Variants in LTBP1 observed in about 807,000 individuals in gnomAD.
The protein encoded by LTBP1 is latent transforming growth factor beta binding protein 1, also known as latent-transforming growth factor beta-binding protein 1.
A neutral mutation model predicts 207.6 loss-of-function variants in LTBP1; 129 were observed. The ratio of observed to expected loss-of-function variants is 0.62; its 90% confidence interval spans 0.54 to 0.72. The LOEUF is 0.72. Among genes scored for constraint, LTBP1 ranks in the 30% least tolerant of loss-of-function variants. LTBP1 has a pLI of 0.00. For synonymous variants in LTBP1, 963 were observed against 833.7 expected (o/e 1.16, Z -2.67); for missense variants, 2,281 against 2,217.2 (o/e 1.03, Z -0.58).
chr2:33,308,120 GC>G (rs2094126984), intron 22 of LTBP1, among the ~76,000 whole-genome samples: 1 of 152,122 alleles, frequency 6.6e-6, no homozygotes, highest in African/African-American at 2.4e-5. Flanking sequence ...TTTCTTCGTT[GC>G]TAATAACTTA....
chr2:32,969,229 T>TTGTGTGTGTGTG (rs201873946), intron 2 of LTBP1, among the ~76,000 whole-genome samples: 8 of 131,712 alleles, frequency 6.1e-5, no homozygotes, highest in East Asian at 2.5e-4. Flanking sequence ...CCTGGCCAAT[T>TTGTGTGTGTGTG]TGTGTGTGTG....
chr2:33,372,473 T>G (rs2095081270), intron 31 of LTBP1, among the ~76,000 whole-genome samples: 1 of 152,220 alleles, frequency 6.6e-6, no homozygotes, highest in African/African-American at 2.4e-5. Flanking sequence ...AATGGACTAA[T>G]GAACTAAAGC....
chr2:33,143,990 G>A (rs1193006379), intron 5 of LTBP1, among the ~76,000 whole-genome samples: 2 of 152,056 alleles, frequency 1.3e-5, no homozygotes, highest in Non-Finnish European at 2.9e-5. Flanking sequence ...CTCACAAGAA[G>A]TGGCAGACTG....
At chr2:33,365,678 C>T (rs529207060) in intron 31 of LTBP1, among the ~76,000 whole-genome samples, 175 bp downstream of exon 31, 1 of 151,144 alleles carries the variant, frequency 6.6e-6, no homozygotes, top group South Asian at 2.1e-4. Flanking sequence ...ACATTTGGCT[C>T]CTGGTTTACC....
At chr2:33,054,961 CT>C (rs1392432100) in intron 3 of LTBP1, among the ~76,000 whole-genome samples, 1 of 152,148 alleles carries the variant, frequency 6.6e-6, no homozygotes, top group African/African-American at 2.4e-5. Flanking sequence ...ACTGGACAGT[CT>C]TTTTTAAGGT....
intron 25 of LTBP1, among the ~76,000 whole-genome samples, chr2:33,346,035 G>C (rs2094696903): frequency 6.6e-6 from 1 of 152,178 alleles, no homozygotes; most frequent in African/African-American, 2.4e-5. Flanking sequence ...TTGTCACTGA[G>C]ATTCCTTCAC....
chr2:33,268,634 G>A (rs541941264), intron 15 of LTBP1, among the ~76,000 whole-genome samples: 1 of 152,308 alleles, frequency 6.6e-6, no homozygotes, highest in East Asian at 1.9e-4. Context: ...TCTTGATTTA[G>A]CATAGTGTCT....
rs562254633 is a variant in LTBP1, at chr2:33,341,037, C to A, written c.3731-1801C>A. Among the ~76,000 whole-genome samples, 4 of 151,958 alleles carry A rather than the reference C, an allele frequency of 2.6e-5. No homozygotes were observed. The South Asian group carries it at 8.3e-4, about 31-fold the overall frequency. On this transcript the variant is annotated intron_variant, in intron 24 of 33. Transcript: ENST00000404816. ...ATTTCATTATTTGAACATAAAAGTA[C>A]AATCTTCACATATATTTGGATGCTG...
intron 3 of LTBP1, among the ~76,000 whole-genome samples, chr2:33,023,161 GTTGAAC>G (rs2075256401): frequency 2.0e-5 from 3 of 152,174 alleles, no homozygotes. Flanking sequence ...ACAATTCTGT[GTTGAAC>G]TATGCTTTGG....
chr2:33,013,974 AGTT>A (rs1347442001), intron 2 of LTBP1, among the ~76,000 whole-genome samples: 1 of 152,160 alleles, frequency 6.6e-6, no homozygotes, highest in Non-Finnish European at 1.5e-5. Flanking sequence ...TGGTTGGTGA[AGTT>A]GTTACTCGTA....
intron 4 of LTBP1, among the ~76,000 whole-genome samples, chr2:33,131,313 C>G (rs979384609): frequency 1.3e-5 from 2 of 152,202 alleles, no homozygotes. Flanking sequence ...TGAATTCCTA[C>G]TAAATTCTTG....
intron 3 of LTBP1, among the ~76,000 whole-genome samples, chr2:33,070,361 C>T (rs892748734): frequency 2.6e-5 from 4 of 152,212 alleles, no homozygotes; most frequent in Non-Finnish European, 5.9e-5. Context: ...ACTGGGGCGG[C>T]ATGCCCGTCT....
intron 24 of LTBP1, among the ~76,000 whole-genome samples, chr2:33,317,029 A>G (rs1356512377): frequency 6.6e-6 from 1 of 152,254 alleles, no homozygotes; most frequent in African/African-American, 2.4e-5. Flanking sequence ...TTCCAAAAGA[A>G]TATACTAAAC....
intron 31 of LTBP1, among the ~76,000 whole-genome samples, chr2:33,368,381 T>C (rs779873272): frequency 2.6e-5 from 4 of 152,202 alleles, no homozygotes; most frequent in African/African-American, 4.8e-5. Context: ...CTTAGGTTGA[T>C]TCTATCTCTT....
At chr2:33,202,876 T>A (rs1487419211) in intron 7 of LTBP1, among the ~76,000 whole-genome samples, 2 of 152,224 alleles carry the variant, frequency 1.3e-5, no homozygotes, top group Admixed American at 1.3e-4. Context: ...CTGAGGCTAC[T>A]AGACATCTGT....
intron 31 of LTBP1, among the ~76,000 whole-genome samples, chr2:33,384,190 T>A (rs965681106): frequency 6.6e-6 from 1 of 152,194 alleles, no homozygotes; most frequent in African/African-American, 2.4e-5. Context: ...CAGGGGATAA[T>A]TTTTAAACCT....
At chr2:32,983,011 T>C (rs988227057) in intron 2 of LTBP1, among the ~76,000 whole-genome samples, 3 of 152,150 alleles carry the variant, frequency 2.0e-5, no homozygotes, top group Non-Finnish European at 4.4e-5. Context: ...CCCAGAATGG[T>C]AGATCCACCA....
At chr2:33,365,645 G>GTGTA in intron 31 of LTBP1, 142 bp downstream of exon 31, 2 of 780,902 alleles carry the variant, frequency 2.6e-6, no homozygotes, top group Non-Finnish European at 2.0e-6. Context: ...GTGTGTGTGT[G>GTGTA]TGTGTAGGGC....
chr2:33,228,697 C>CTTATTTTTTTTTTTT (rs2091597094), intron 9 of LTBP1, among the ~76,000 whole-genome samples: 1 of 99,060 alleles, frequency 1.0e-5, no homozygotes, highest in Non-Finnish European at 1.9e-5. Flanking sequence ...GGGTTATACC[C>CTTATTTTTTTTTTTT]TTTTTTTTTT....
Sources: gnomAD v4.1 joint callset for allele counts (sites outside exome capture counted in the v4.1 genomes callset) on GRCh38, gnomAD v4.1.1 for gene constraint, MANE v1.5 for transcripts, NCBI Gene and HGNC (gene_info 2026-07-23, HGNC 2026-07-21) for gene names.